NCALD: variants seen among roughly 807,000 people sequenced by gnomAD.
The protein encoded by NCALD is neurocalcin delta.
A neutral mutation model predicts 18.6 loss-of-function variants in NCALD; 10 were observed. The observed-to-expected ratio is 0.54, with a 90% confidence interval of 0.33 to 0.91. The LOEUF (loss-of-function observed/expected upper bound fraction) is 0.91. Among genes scored for constraint, NCALD ranks in the 40% least tolerant of loss-of-function variants. NCALD has a pLI of 0.03. For synonymous variants in NCALD, 88 were observed against 87.4 expected (o/e 1.01, Z -0.04); for missense variants, 184 against 247.6 (o/e 0.74, Z 1.72).
At chr8:101,733,752 G>A (rs759609505) in intron 1 of NCALD, among the ~76,000 whole-genome samples, 9 of 152,154 alleles carry the variant, frequency 5.9e-5, no homozygotes, top group Non-Finnish European at 1.2e-4. Context: ...CTTCCAGCCC[G>A]ACTCCCCTCC....
chr8:101,987,886 G>T (rs1586876779), intron 2 of NCALD, among the ~76,000 whole-genome samples: 2 of 152,310 alleles, frequency 1.3e-5, no homozygotes, highest in East Asian at 3.9e-4. Context: ...CGGGCGCGGT[G>T]GCTCATGCCT....
chr8:101,885,586 C>T (rs78294639), intron 4 of NCALD, among the ~76,000 whole-genome samples: 2,046 of 152,318 alleles, frequency 0.013, 26 homozygotes, highest in Middle Eastern at 0.024. Context: ...TTGGGTCTGG[C>T]AGATGCTGCA....
At chr8:101,876,150 A>G (rs11992131) in intron 4 of NCALD, among the ~76,000 whole-genome samples, 20,285 of 152,226 alleles carry the variant, frequency 0.13, 3,114 homozygotes, top group African/African-American at 0.37. Flanking sequence ...AGGAATGCCC[A>G]GATTCTCAGA....
At chr8:101,936,948 A>C (rs1818786056) in intron 2 of NCALD, among the ~76,000 whole-genome samples, 1 of 152,104 alleles carries the variant, frequency 6.6e-6, no homozygotes, top group African/African-American at 2.4e-5. Flanking sequence ...TTTTCCTCTT[A>C]ATTCCTTCAA....
At chr8:101,830,915 A>G (rs1005969973) in intron 4 of NCALD, among the ~76,000 whole-genome samples, 4 of 151,920 alleles carry the variant, frequency 2.6e-5, no homozygotes, top group Non-Finnish European at 4.4e-5. Context: ...AAATCAATAA[A>G]TTCATGTCAC....
At chr8:101,763,677 C>T (rs1343049885) in intron 1 of NCALD, among the ~76,000 whole-genome samples, 2 of 152,132 alleles carry the variant, frequency 1.3e-5, no homozygotes, top group African/African-American at 2.4e-5. Flanking sequence ...GGACCTCATT[C>T]AGTCAACTGA....
intron 2 of NCALD, among the ~76,000 whole-genome samples, chr8:101,995,915 T>C (rs1162592909): frequency 6.6e-6 from 1 of 152,228 alleles, no homozygotes; most frequent in African/African-American, 2.4e-5. Context: ...AACTAACTTC[T>C]GCCCTGCAAA....
intron 1 of NCALD, among the ~76,000 whole-genome samples, chr8:101,744,820 G>T (rs879938730): frequency 6.6e-6 from 1 of 151,998 alleles, no homozygotes; most frequent in Non-Finnish European, 1.5e-5. Flanking sequence ...AATGCTGAAG[G>T]CTCCAGGAAG....
chr8:101,919,897 G>T (rs1461168560), intron 2 of NCALD, among the ~76,000 whole-genome samples: 1 of 152,158 alleles, frequency 6.6e-6, no homozygotes, highest in Admixed American at 6.6e-5. Flanking sequence ...TGCTGGTGAG[G>T]CTACAAAGAA....
At chr8:101,788,575 ATTTAG>A in intron 1 of NCALD, 1 of 152,338 alleles carries the variant, frequency 6.6e-6, no homozygotes, top group Non-Finnish European at 1.5e-5. Flanking sequence ...ATTTTGTAAA[ATTTAG>A]TTAACGTTTT....
Position 101,996,683 on chromosome 8 carries a change from C to T in NCALD, c.-157+23554G>A, listed in dbSNP as rs6983049. On this transcript the variant is annotated intron_variant, in intron 2 of 6. Coordinates refer to the NCALD transcript ENST00000311028. ...AGAAGGTCCTTGCCTATGAAACTAA[C>T]GGTGGAAAAGGAAGGATGTATCTTT... 5.2e-3 allele frequency among the ~76,000 whole-genome samples: 794 copies of T among 152,164 alleles called. 12 individuals are homozygous for T. Among genetic ancestry groups the T allele is most frequent in the African/African-American group, 0.017 (719 of 41,502 alleles).
At chr8:101,872,309 C>A in intron 4 of NCALD, 2 of 1,370,452 alleles carry the variant, frequency 1.5e-6, no homozygotes, top group African/African-American at 1.4e-5. Flanking sequence ...GCTTTCCCCT[C>A]AGCGAGTCTC....
At chr8:101,707,981 G>A (rs1470781713) in intron 2 of NCALD, among the ~76,000 whole-genome samples, 8 of 152,188 alleles carry the variant, frequency 5.3e-5, no homozygotes, top group African/African-American at 1.9e-4. Context: ...TAAAAGTGCT[G>A]ATTACAAATT....
At chr8:101,959,056 T>C (rs1190061276) in intron 2 of NCALD, among the ~76,000 whole-genome samples, 1 of 152,078 alleles carries the variant, frequency 6.6e-6, no homozygotes, top group Non-Finnish European at 1.5e-5. Context: ...TCAGACCCCA[T>C]TTATGTTCAT....
At chr8:102,002,887 G>A (rs1821532083) in intron 2 of NCALD, among the ~76,000 whole-genome samples, 1 of 152,072 alleles carries the variant, frequency 6.6e-6, no homozygotes, top group Admixed American at 6.6e-5. Context: ...AGTGTGTAGA[G>A]GGAAATTTAG....
At chr8:101,848,867 C>A (rs1298282655) in intron 4 of NCALD, among the ~76,000 whole-genome samples, 1 of 151,950 alleles carries the variant, frequency 6.6e-6, no homozygotes, top group Non-Finnish European at 1.5e-5. Flanking sequence ...TGGGTATATA[C>A]CCAAAGGAAT....
chr8:102,048,434 ACTG>A (rs1823322730), intron 1 of NCALD, among the ~76,000 whole-genome samples: 1 of 152,112 alleles, frequency 6.6e-6, no homozygotes, highest in African/African-American at 2.4e-5. Flanking sequence ...TCTTGTGTCT[ACTG>A]CTGCTGCTGA....
At chr8:101,828,835 G>T (rs1264790071) in intron 4 of NCALD, among the ~76,000 whole-genome samples, 1 of 151,444 alleles carries the variant, frequency 6.6e-6, no homozygotes. Context: ...TGGGTTTTTC[G>T]ACGGTTTTGT....
chr8:101,775,827 AC>A (rs1220715450), intron 1 of NCALD, among the ~76,000 whole-genome samples: 4 of 152,314 alleles, frequency 2.6e-5, no homozygotes, highest in African/African-American at 9.6e-5. Flanking sequence ...CTGACTTTAC[AC>A]TTAGCATTCC....
Sources: gnomAD v4.1 joint callset for allele counts (sites outside exome capture counted in the v4.1 genomes callset) on GRCh38, gnomAD v4.1.1 for gene constraint, MANE v1.5 for transcripts, NCBI Gene and HGNC (gene_info 2026-07-23, HGNC 2026-07-21) for gene names.